The following SMC5 variants were observed in gnomAD, a reference collection of about 807,000 sequenced individuals.
The protein encoded by SMC5 is structural maintenance of chromosomes 5.
A neutral mutation model predicts 148.3 loss-of-function variants in SMC5; 88 were observed. The observed-to-expected ratio is 0.59, with a 90% CI of 0.50 to 0.71. SMC5 has a LOEUF of 0.71. Among genes scored for constraint, SMC5 ranks in the 30% least tolerant of loss-of-function variants. The probability of loss-of-function intolerance (pLI) is 0.00; values close to 1 mark genes in which losing one functional copy is unlikely to be tolerated. For missense variants in SMC5, 1,142 were observed against 1,298.9 expected (o/e 0.88, Z 1.86); for synonymous variants, 421 against 432.8 (o/e 0.97, Z 0.34).
Position 70,318,277 on chromosome 9 carries a change from A to G in SMC5, c.1807-237A>G, listed in dbSNP as rs148216284. ...GTGGCACATGCCTGTAGTCCCATCT[A>G]CTCAGGAGGCTGAAGTGGAAGGATC... On this transcript the variant is annotated intron_variant, in intron 13 of 24. Coordinates refer to ENST00000361138, the MANE Select transcript of SMC5 (RefSeq NM_015110.4). Among the ~76,000 whole-genome samples, 727 of 151,968 alleles carry G rather than the reference A, an allele frequency of 4.8e-3. 8 individuals carry two copies. Among genetic ancestry groups the G allele is most frequent in the African/African-American group, 0.017 (701 of 41,436 alleles).
intron 5 of SMC5, among the ~76,000 whole-genome samples, chr9:70,279,824 A>C (rs1422120156): frequency 6.6e-6 from 1 of 150,584 alleles, no homozygotes; most frequent in Non-Finnish European, 1.5e-5. Context: ...TTTCAAAAAA[A>C]AAAAAAAAAA....
intron 8 of SMC5, among the ~76,000 whole-genome samples, chr9:70,292,868 TATAA>T (rs2035100880): frequency 6.6e-6 from 1 of 152,174 alleles, no homozygotes; most frequent in African/African-American, 2.4e-5. Flanking sequence ...GGTTGTGGTG[TATAA>T]GTGTATAATT....
intron 8 of SMC5, among the ~76,000 whole-genome samples, chr9:70,291,483 C>T (rs184379997): frequency 1.3e-5 from 2 of 152,280 alleles, no homozygotes; most frequent in Middle Eastern, 3.4e-3. Context: ...ATGTACATAG[C>T]CCTGGGCATG....
intron 24 of SMC5, among the ~76,000 whole-genome samples, chr9:70,351,950 G>A (rs1259328328): frequency 6.6e-6 from 1 of 152,038 alleles, no homozygotes; most frequent in Non-Finnish European, 1.5e-5. Context: ...GATGGTGCAT[G>A]CCTGTAATCC....
chr9:70,349,587 T>A (rs543339943), intron 22 of SMC5, among the ~76,000 whole-genome samples: 1 of 152,340 alleles, frequency 6.6e-6, no homozygotes, highest in East Asian at 1.9e-4. Flanking sequence ...TCAAAGTATA[T>A]GTGTAATTCC....
intron 15 of SMC5, among the ~76,000 whole-genome samples, chr9:70,321,007 G>A (rs1386031383): frequency 6.6e-6 from 1 of 152,114 alleles, no homozygotes; most frequent in East Asian, 1.9e-4. Context: ...ATGATGTCCT[G>A]TTACCACCAT....
chr9:70,275,256 G>A (rs1269731348), intron 3 of SMC5, among the ~76,000 whole-genome samples: 1 of 151,874 alleles, frequency 6.6e-6, no homozygotes, highest in Middle Eastern at 3.4e-3. Context: ...TTTTGGTGAC[G>A]GGGTCTCACC....
chr9:70,260,722 C>T (rs1039673919), intron 1 of SMC5, among the ~76,000 whole-genome samples: 1 of 152,096 alleles, frequency 6.6e-6, no homozygotes, highest in Non-Finnish European at 1.5e-5. Flanking sequence ...TTAGTTTTGT[C>T]TACGAGTATG....
At position 70,272,838 on chromosome 9, in the gene SMC5, G is replaced by C. The variant is rs557414028; in HGVS notation, c.381-4472G>C. On this transcript the variant is annotated intron_variant, in intron 3 of 24. Transcript: ENST00000361138. ...TACAGTACTTGGAAACCAGCACTTG[G>C]AACAACTTCAGGAGGAGTCAGTTGT... is the stretch of plus-strand genomic sequence containing the variant. Among the ~76,000 whole-genome samples, 153 of 152,262 alleles carry C rather than the reference G, an allele frequency of 1.0e-3. 2 individuals carry two copies. The highest frequency in any genetic ancestry group is 2.1e-3 in the Non-Finnish European group (140 of 67,994).
At chr9:70,283,901 A>G (rs1377459024) in intron 7 of SMC5, among the ~76,000 whole-genome samples, 1 of 152,160 alleles carries the variant, frequency 6.6e-6, no homozygotes, top group Non-Finnish European at 1.5e-5. Flanking sequence ...TAAGATTGCC[A>G]TTTATACAGG....
At chr9:70,271,636 A>C (rs2034453200) in intron 3 of SMC5, among the ~76,000 whole-genome samples, 2 of 152,240 alleles carry the variant, frequency 1.3e-5, no homozygotes, top group South Asian at 4.1e-4. Flanking sequence ...GATAAGTGCT[A>C]CATAGAAAAA....
chr9:70,271,805 T>G (rs796522182), intron 3 of SMC5, among the ~76,000 whole-genome samples: 12 of 152,324 alleles, frequency 7.9e-5, no homozygotes, highest in African/African-American at 2.9e-4. Flanking sequence ...ATTTCAGGTA[T>G]AGAGATTTGC....
intron 11 of SMC5, chr9:70,311,043 A>G (rs1428056724): frequency 6.6e-6 from 1 of 152,204 alleles, no homozygotes; most frequent in East Asian, 1.9e-4. Context: ...GATCAGCAAT[A>G]AGGTAATTTT....
intron 17 of SMC5, among the ~76,000 whole-genome samples, chr9:70,329,664 C>G (rs371916097): frequency 1.3e-5 from 2 of 152,160 alleles, no homozygotes; most frequent in East Asian, 3.9e-4. Flanking sequence ...CTTCTGAGCC[C>G]TCCAAACTGT....
At chr9:70,272,016 T>C (rs752661903) in intron 3 of SMC5, among the ~76,000 whole-genome samples, 1 of 152,216 alleles carries the variant, frequency 6.6e-6, no homozygotes, top group Non-Finnish European at 1.5e-5. Context: ...TTTAACCAGA[T>C]TGGGTTGCTG....
At chr9:70,323,664 A>G in intron 16 of SMC5, 58 bp downstream of exon 16, 2 of 1,538,898 alleles carry the variant, frequency 1.3e-6, no homozygotes, top group Non-Finnish European at 1.8e-6. Flanking sequence ...CAGATAAGAT[A>G]GTAAAATCTT....
intron 11 of SMC5, chr9:70,312,120 CAAAAAAAAAAAAAAA>C (rs3072341): frequency 6.3e-5 from 4 of 63,310 alleles, no homozygotes; most frequent in Admixed American, 5.4e-4. Context: ...GACACTGTCT[CAAAAAAAAAAAAAAA>C]AAAAAAAAAA....
intron 3 of SMC5, among the ~76,000 whole-genome samples, chr9:70,274,373 G>A (rs1426663641): frequency 2.0e-5 from 3 of 151,994 alleles, no homozygotes; most frequent in Admixed American, 2.0e-4. Context: ...GAGCCACTGC[G>A]CCCGGCCGTG....
At chr9:70,288,529 C>T (rs1176196388) in intron 8 of SMC5, among the ~76,000 whole-genome samples, 1 of 151,814 alleles carries the variant, frequency 6.6e-6, no homozygotes, top group Non-Finnish European at 1.5e-5. Flanking sequence ...TTTTAACGTT[C>T]TTGAATTGTA....
Sources: allele counts gnomAD v4.1 joint callset (sites outside exome capture counted in the v4.1 genomes callset), GRCh38; gene constraint gnomAD v4.1.1; transcripts MANE v1.5; gene names NCBI Gene and HGNC (gene_info 2026-07-23, HGNC 2026-07-21).